GOLGA6L9: variants seen among roughly 807,000 people sequenced by gnomAD.
The protein encoded by GOLGA6L9 is golgin subfamily A member 6-like protein 9.
In GOLGA6L9, 19 loss-of-function variants were observed where a neutral mutation model predicts 51.3. The observed-to-expected ratio is 0.37, with a 90% CI of 0.26 to 0.54. The LOEUF is 0.54. Among genes scored for constraint, GOLGA6L9 ranks in the 20% least tolerant of loss-of-function variants. GOLGA6L9 has a pLI of 0.83. For synonymous variants in GOLGA6L9, 97 were observed against 184.2 expected (o/e 0.53, Z 3.83); for missense variants, 247 against 464.1 (o/e 0.53, Z 4.30).
the GOLGA6L9 span, among the ~76,000 whole-genome samples, chr15:82,420,471 A>T: frequency 6.6e-6 from 1 of 151,938 alleles, no homozygotes; most frequent in South Asian, 2.1e-4. Flanking sequence ...ACTTATTTTT[A>T]CTTTTTTTGT....
chr15:82,417,697 C>T, the GOLGA6L9 span, among the ~76,000 whole-genome samples: 1 of 152,336 alleles, frequency 6.6e-6, no homozygotes, highest in Admixed American at 6.5e-5. Context: ...CATATACTTC[C>T]TTTTCCCAAA....
In GOLGA6L9 at chr15:82,434,289, G is replaced by A. The variant is rs1204705536; in HGVS notation, c.689G>A (p.Arg230His). 2.1e-4 allele frequency: 328 copies of A among 1,550,662 alleles called. 1 individual carries two copies. The highest frequency in any genetic ancestry group is 2.5e-4 in the Non-Finnish European group (294 of 1,154,722). Residue 230 changes from arginine (R) to histidine (H), a missense_variant, in exon 6 of 9, where the codon CGT becomes CAT. Arg to His is a conservative substitution (Grantham distance 29). This residue lies in a region of GOLGA6L9 where 66 missense variants were observed against 66.2 expected (regional missense o/e 1.00). Transcript: ENST00000618348. ...ERLCEQEERL[R>H]EQEERLCEQE... is the part of the protein sequence containing the mutation. ...CTGTGTGAACAGGAGGAGAGGCTACGTGAACAGGAGGAGAGGCTGTGTGAA... is the reference window on the plus strand; with the variant it reads ...CTGTGTGAACAGGAGGAGAGGCTACATGAACAGGAGGAGAGGCTGTGTGAA...
At position 82,437,680 on chromosome 15, in the gene GOLGA6L9, A is replaced by G. The variant is rs2031748553; in HGVS notation, c.*1269A>G. On this transcript the variant is annotated 3_prime_UTR_variant, in exon 9 of 9. Transcript: ENST00000618348. ...GAACACTTTAAAAATAATAACAAAC[A>G]TTATTATAAACTAATATATGTGAGA... is the stretch of plus-strand genomic sequence containing the variant. The G allele has an allele frequency of 6.9e-6, 1 of 145,714 alleles. No individual in the cohort carries two copies. The highest frequency in any genetic ancestry group is 2.2e-4 in the South Asian group (1 of 4,586). 9.0% of individuals were successfully genotyped at this position (145,714 alleles called of 1,614,324 possible).
chr15:82,429,494 T>C (rs1473856772), upstream of GOLGA6L9, among the ~76,000 whole-genome samples: 15 of 152,314 alleles, frequency 9.8e-5, no homozygotes, highest in Middle Eastern at 3.4e-3. Flanking sequence ...TTGTGATTAT[T>C]CTCTGTTATT....
chr15:82,429,792 C>G (rs1223349398), upstream of GOLGA6L9, among the ~76,000 whole-genome samples: 1 of 152,146 alleles, frequency 6.6e-6, no homozygotes, highest in East Asian at 1.9e-4. Context: ...AAAGCCAGCC[C>G]CTCCCCTCTC....
chr15:82,416,291 G>A, the GOLGA6L9 span, among the ~76,000 whole-genome samples: 1 of 152,238 alleles, frequency 6.6e-6, no homozygotes, highest in Non-Finnish European at 1.5e-5. Context: ...GTAATATTTT[G>A]TACTCAAACA....
At chr15:82,433,208 C>G (rs1311270198) in intron 4 of GOLGA6L9, among the ~76,000 whole-genome samples, 1 of 151,440 alleles carries the variant, frequency 6.6e-6, no homozygotes, top group Non-Finnish European at 1.5e-5. Flanking sequence ...CCTGCCCTGC[C>G]TCAGTCCCTA....
At chr15:82,429,714 C>G (rs1248275647), upstream of GOLGA6L9, among the ~76,000 whole-genome samples, 1 of 152,160 alleles carries the variant, frequency 6.6e-6, no homozygotes, top group African/African-American at 2.4e-5. Context: ...CACAGACACA[C>G]ATATATAAAG....
chr15:82,434,536 G>T lies in GOLGA6L9; in HGVS notation c.936G>T (p.Met312Ile). 1 of 1,565,524 alleles carries T rather than the reference G, an allele frequency of 6.4e-7. No homozygotes were observed. Among genetic ancestry groups the T allele is most frequent in the Non-Finnish European group, 8.6e-7 (1 of 1,163,820 alleles). ...AGAGGCTGCGGGAGCTGGAGAGGATGCTGGAGCTGGGGTGGGAAGCCCTGT... is the reference window on the plus strand; with the variant it reads ...AGAGGCTGCGGGAGCTGGAGAGGATTCTGGAGCTGGGGTGGGAAGCCCTGT... ...ELERLRELER[M>I]LELGWEALYE... Residue 312 changes from methionine to isoleucine, a missense_variant, in exon 6 of 9, where the codon ATG becomes ATT. Physicochemically the swap from Met to Ile is conservative, Grantham distance 10. Coordinates refer to ENST00000618348, the MANE Select transcript of GOLGA6L9 (RefSeq NM_198181.4).
At position 82,434,307 on chromosome 15, in the gene GOLGA6L9, T is replaced by G. The variant is rs1385185011; in HGVS notation, c.707T>G (p.Leu236Arg). The change falls in exon 6 of 9, where the codon CTG (leucine) becomes CGG (arginine). Residue 236 changes from leucine (L) to arginine (R), a missense_variant. By Grantham distance (102) the Leu-to-Arg change is moderately radical. Coordinates refer to ENST00000618348, the MANE Select transcript of GOLGA6L9 (RefSeq NM_198181.4). Reference protein sequence around the residue: ...EERLREQEERLCEQEKLPGQE... With the variant: ...EERLREQEERRCEQEKLPGQE... The stretch of plus-strand genomic sequence containing the variant: ...AGGCTACGTGAACAGGAGGAGAGGC[T>G]GTGTGAACAGGAGAAGCTGCCAGGG... 1.3e-6 allele frequency: 2 copies of G among 1,546,574 alleles called. No individual in the cohort carries two copies. Among genetic ancestry groups the G allele is most frequent in the Non-Finnish European group, 1.7e-6 (2 of 1,152,748 alleles).
chr15:82,425,930 TG>T (rs1301720923), upstream of GOLGA6L9, among the ~76,000 whole-genome samples: 3 of 149,220 alleles, frequency 2.0e-5, no homozygotes, highest in Non-Finnish European at 4.4e-5. Flanking sequence ...TAAAAGTGTT[TG>T]GCTGTAGAAG....
the GOLGA6L9 span, among the ~76,000 whole-genome samples, chr15:82,421,803 C>CA: frequency 0.058 from 172 of 2,952 alleles, 6 homozygotes; most frequent in East Asian, 0.22. Flanking sequence ...CCAACACCAC[C>CA]AAAAAAAAAA....
rs1368208586 is a variant in GOLGA6L9 at position 82,437,914 on chromosome 15, T to C, written c.*1503T>C. On this transcript the variant is annotated 3_prime_UTR_variant, in exon 9 of 9. Transcript: ENST00000618348. Reference sequence around the variant, plus strand: ...TTACAAAGAGTGAAATATGTTTTTATACCTCTCAGTTTCAGTTAGAGGCAT... The same window carrying C: ...TTACAAAGAGTGAAATATGTTTTTACACCTCTCAGTTTCAGTTAGAGGCAT... 6.6e-6 allele frequency: 1 copy of C among 151,296 alleles called. No individual in the cohort carries two copies. Among genetic ancestry groups the C allele is most frequent in the African/African-American group, 2.4e-5 (1 of 41,038 alleles). 9.4% of individuals were successfully genotyped at this position (151,296 alleles called of 1,614,324 possible).
At chr15:82,433,679 TGGACTGGCATTA>T in intron 5 of GOLGA6L9, 30 bp downstream of exon 5, 1 of 713,954 alleles carries the variant, frequency 1.4e-6, no homozygotes, top group Non-Finnish European at 2.2e-6. Context: ...ACCTGGCAGC[TGGACTGGCATTA>T]GAGGGCTGTG....
the GOLGA6L9 span, among the ~76,000 whole-genome samples, chr15:82,416,697 G>A: frequency 5.3e-4 from 81 of 152,268 alleles, no homozygotes; most frequent in African/African-American, 1.9e-3. Flanking sequence ...AAAACACCAG[G>A]CTTGTGATTT....
intron 4 of GOLGA6L9, among the ~76,000 whole-genome samples, chr15:82,433,214 C>G (rs1469454889): frequency 2.6e-5 from 4 of 151,422 alleles, no homozygotes; most frequent in Admixed American, 2.6e-4. Context: ...CTGCCTCAGT[C>G]CCTAATTTGC....
Position 82,439,108 on chromosome 15 carries a change from T to C in GOLGA6L9, c.*2697T>C, listed in dbSNP as rs1385143757. On this transcript the variant is annotated 3_prime_UTR_variant, in exon 9 of 9. Coordinates refer to ENST00000618348, the MANE Select transcript of GOLGA6L9 (RefSeq NM_198181.4). The stretch of plus-strand genomic sequence containing the variant: ...GACTGCTGCTGTGATGCTACTATAA[T>C]GTAATACATTATTAAATTGTTTCAA... The C allele has an allele frequency of 1.3e-5, 2 of 151,944 alleles. No homozygotes were observed. The highest frequency in any genetic ancestry group is 4.9e-5 in the African/African-American group (2 of 41,168). 9.4% of individuals were successfully genotyped at this position (151,944 alleles called of 1,614,324 possible). A position where few individuals can be genotyped will look rare whatever the true frequency, so the allele number is the denominator to read the frequency against.
rs1486093416 is a variant in GOLGA6L9 at position 82,434,216 on chromosome 15, G to T, written c.616G>T (p.Glu206Ter). ...GGAGGAGAGGCTACGTGAACAGGAG[G>T]AGAGGCTACGTGAACAGGAGGAGAG... ...RQEERLREQE[E>*]RLREQEERLC... is the part of the protein sequence containing the mutation. Residue 206 changes from glutamate to a stop codon, truncating the protein, a stop_gained, in exon 6 of 9, where the codon GAG (glutamate) becomes TAG (stop). Transcript: ENST00000618348. LOFTEE classifies it high-confidence loss of function. The T allele has an allele frequency of 8.3e-6, 13 of 1,560,770 alleles. No individual in the cohort carries two copies. Among genetic ancestry groups the T allele is most frequent in the Non-Finnish European group, 2.6e-6 (3 of 1,160,546 alleles).
At chr15:82,429,319 C>T (rs1434674758), upstream of GOLGA6L9, among the ~76,000 whole-genome samples, 5 of 152,294 alleles carry the variant, frequency 3.3e-5, 1 homozygote, top group East Asian at 1.9e-4. Context: ...AGGTCATCCA[C>T]CCACCTCGGC....
Sources: allele counts gnomAD v4.1 joint callset (sites outside exome capture counted in the v4.1 genomes callset), GRCh38; gene constraint gnomAD v4.1.1; regional missense constraint gnomAD v4.1.1; transcripts MANE v1.5; gene names NCBI Gene and HGNC (gene_info 2026-07-23, HGNC 2026-07-21).